TBL1X: variants seen among roughly 807,000 people sequenced by gnomAD.
The protein encoded by TBL1X is F-box-like/WD repeat-containing protein TBL1X.
TBL1X carries 10 observed loss-of-function variants against 50.7 expected under a neutral mutation model. The observed-to-expected ratio is 0.20, with a 90% CI of 0.12 to 0.33. TBL1X has a LOEUF of 0.33. TBL1X is among the 10% of genes least tolerant of loss of function. The pLI is 1.00. For missense variants in TBL1X, 340 were observed against 504.4 expected (o/e 0.67, Z 3.12); for synonymous variants, 190 against 214.7 (o/e 0.88, Z 1.01).
chrX:9,522,970 G>C (rs1022493716), intron 2 of TBL1X, among the ~76,000 whole-genome samples: 1 of 112,207 alleles, frequency 8.9e-6, no homozygotes, highest in African/African-American at 3.2e-5. Flanking sequence ...GTCAGCAAGA[G>C]TTCTTGTGGT....
chrX:9,490,732 C>G lies in TBL1X; in HGVS notation c.-200-11048C>G, dbSNP rs764301867. On this transcript the variant is annotated intron_variant, in intron 1 of 17. Coordinates refer to ENST00000645353, the MANE Select transcript of TBL1X (RefSeq NM_005647.4). ...TCAAACCCAAGGGTCTTAGTTAGAT[C>G]TATTACTTCTGTAATTAAAAAATAT... 6.3e-5 allele frequency among the ~76,000 whole-genome samples: 7 copies of G among 111,888 alleles called. No individual in the cohort carries two copies. The South Asian group carries it at 1.9e-3, about 30-fold the overall frequency.
rs2083281982 is a variant in TBL1X, at chrX:9,716,873, G to A, written c.*627G>A. On this transcript the variant is annotated 3_prime_UTR_variant, in exon 18 of 18. Coordinates refer to ENST00000645353, the MANE Select transcript of TBL1X (RefSeq NM_005647.4). Reference sequence around the variant, plus strand: ...CTGAGATGGAAGCTGTCTTGGGCTTGTTGTCTCTTCCTTCTGTTGCTCCCT... The same window carrying A: ...CTGAGATGGAAGCTGTCTTGGGCTTATTGTCTCTTCCTTCTGTTGCTCCCT... 1 of 111,089 alleles carries A rather than the reference G, an allele frequency of 9.0e-6. No individual in the cohort carries two copies. The highest frequency in any genetic ancestry group is 1.9e-5 in the Non-Finnish European group (1 of 53,159). The allele number at this position is 111,089 out of a possible 1,213,427, so 9.2% of individuals were successfully genotyped here.
At chrX:9,708,703 C>CA (rs35805085) in intron 13 of TBL1X, among the ~76,000 whole-genome samples, 13,268 of 71,651 alleles carry the variant, frequency 0.19, 1,217 homozygotes, top group Non-Finnish European at 0.25. Flanking sequence ...GCAAAAATCC[C>CA]AAAAAAAAAA....
chrX:9,542,416 A>G (rs2082219399), intron 2 of TBL1X, among the ~76,000 whole-genome samples: 1 of 111,610 alleles, frequency 9.0e-6, no homozygotes, highest in African/African-American at 3.3e-5. Context: ...CCTGGACCAT[A>G]TAGATAGATG....
At chrX:9,559,220 G>A (rs764260236) in intron 2 of TBL1X, among the ~76,000 whole-genome samples, 10 of 111,900 alleles carry the variant, frequency 8.9e-5, no homozygotes, top group East Asian at 2.8e-4. Context: ...TCTCAGCTTC[G>A]TCTCCTTTGT....
At chrX:9,699,044 G>A (rs189106022) in intron 12 of TBL1X, among the ~76,000 whole-genome samples, 53 of 111,655 alleles carry the variant, frequency 4.7e-4, no homozygotes, top group African/African-American at 1.4e-3. Context: ...GCAGTGGTGC[G>A]ATCTCAGCTC....
chrX:9,659,073 C>CG (rs765288906), intron 5 of TBL1X, among the ~76,000 whole-genome samples: 18 of 111,601 alleles, frequency 1.6e-4, no homozygotes, highest in Admixed American at 7.6e-4. Flanking sequence ...GATCCTCCCC[C>CG]CCGGCCTCAT....
intron 9 of TBL1X, among the ~76,000 whole-genome samples, chrX:9,692,775 C>T (rs927481394): frequency 1.8e-5 from 2 of 112,449 alleles, no homozygotes; most frequent in African/African-American, 3.2e-5. Context: ...ATTCAGTAGC[C>T]GTATCTTTGC....
At chrX:9,537,215 A>G (rs1239011541) in intron 2 of TBL1X, among the ~76,000 whole-genome samples, 2 of 111,529 alleles carry the variant, frequency 1.8e-5, no homozygotes, top group African/African-American at 3.3e-5. Context: ...TACGTGCATT[A>G]GCAATTAAAA....
chrX:9,496,592 A>T (rs150402583), intron 1 of TBL1X, among the ~76,000 whole-genome samples: 2 of 112,677 alleles, frequency 1.8e-5, no homozygotes, highest in Non-Finnish European at 3.7e-5. Flanking sequence ...GTTCAATTCA[A>T]TGGAATCTTT....
intron 2 of TBL1X, among the ~76,000 whole-genome samples, chrX:9,623,742 C>T (rs754155585): frequency 1.8e-5 from 2 of 111,994 alleles, no homozygotes; most frequent in African/African-American, 3.2e-5. Context: ...ATAAGGAGTT[C>T]GACAAAGCTT....
intron 2 of TBL1X, among the ~76,000 whole-genome samples, chrX:9,607,297 G>T (rs970319468): frequency 2.7e-5 from 3 of 112,951 alleles, no homozygotes; most frequent in Admixed American, 1.9e-4. Context: ...CGGACATTTC[G>T]CAGATTCCTA....
intron 2 of TBL1X, among the ~76,000 whole-genome samples, chrX:9,588,046 A>G (rs1017216573): frequency 8.9e-6 from 1 of 112,070 alleles, no homozygotes; most frequent in African/African-American, 3.3e-5. Context: ...TTCTGCTTCT[A>G]TGAATTCAAC....
At chrX:9,687,422 C>A (rs901803763) in intron 6 of TBL1X, among the ~76,000 whole-genome samples, 1 of 111,776 alleles carries the variant, frequency 8.9e-6, no homozygotes, top group African/African-American at 3.3e-5. Flanking sequence ...GCGTTACCCT[C>A]CCATATAATG....
At position 9,719,167 on chromosome X, in the gene TBL1X, C is replaced by T. The variant is rs771602036; in HGVS notation, c.*2921C>T. On this transcript the variant is annotated 3_prime_UTR_variant, in exon 18 of 18. Coordinates refer to ENST00000645353, the MANE Select transcript of TBL1X (RefSeq NM_005647.4). ...GACAGACCTTCCTAGAGTGTTTGGTCGGGTTCACAGTGACCGAGAGTCAGG... is the reference window on the plus strand; with the variant it reads ...GACAGACCTTCCTAGAGTGTTTGGTTGGGTTCACAGTGACCGAGAGTCAGG... 5 of 112,121 alleles carry T rather than the reference C, an allele frequency of 4.5e-5. No homozygotes were observed. The highest frequency in any genetic ancestry group is 9.8e-5 in the African/African-American group (3 of 30,736). 9.2% of individuals were successfully genotyped at this position (112,121 alleles called of 1,213,427 possible). A position where few individuals can be genotyped will look rare whatever the true frequency, so the allele number is the denominator to read the frequency against.
intron 1 of TBL1X, among the ~76,000 whole-genome samples, chrX:9,477,945 G>A (rs2081858343): frequency 1.8e-5 from 2 of 111,554 alleles, no homozygotes; most frequent in African/African-American, 3.3e-5. Context: ...GTGCTTGGTC[G>A]AACTTCCCGG....
At chrX:9,658,739 A>G (rs2082879357) in intron 5 of TBL1X, among the ~76,000 whole-genome samples, 1 of 111,791 alleles carries the variant, frequency 8.9e-6, no homozygotes, top group Non-Finnish European at 1.9e-5. Context: ...TTAACTGAGA[A>G]AGAGCTGCCT....
At chrX:9,476,308 G>T (rs1222429169) in intron 1 of TBL1X, among the ~76,000 whole-genome samples, 1 of 112,089 alleles carries the variant, frequency 8.9e-6, no homozygotes, top group Non-Finnish European at 1.9e-5. Context: ...CCTTTAAGAG[G>T]AAAGAGATGG....
chrX:9,578,908 A>G (rs2082426136), intron 2 of TBL1X, among the ~76,000 whole-genome samples: 1 of 112,118 alleles, frequency 8.9e-6, no homozygotes, highest in Non-Finnish European at 1.9e-5. Context: ...CAGTTATTCA[A>G]GGAGTTAAAT....
Sources: allele counts gnomAD v4.1 joint callset (sites outside exome capture counted in the v4.1 genomes callset), GRCh38; gene constraint gnomAD v4.1.1; transcripts MANE v1.5; gene names NCBI Gene and HGNC (gene_info 2026-07-23, HGNC 2026-07-21).